CNBD1: variants seen among roughly 807,000 people sequenced by gnomAD.
CNBD1 encodes cyclic nucleotide-binding domain-containing protein 1.
CNBD1 carries 71 observed loss-of-function variants against 54.4 expected under a neutral mutation model. That is an observed-to-expected ratio of 1.30 (90% CI 1.08 to 1.59). The LOEUF (loss-of-function observed/expected upper bound fraction) is 1.59. Ranked by LOEUF, CNBD1 falls within the 40% of genes most tolerant of loss-of-function variation. The pLI, the probability that CNBD1 is intolerant of heterozygous loss-of-function variation, is 0.00. For synonymous variants in CNBD1, 182 were observed against 170.7 expected (o/e 1.07, Z -0.51); for missense variants, 659 against 518.0 (o/e 1.27, Z -2.64).
chr8:87,394,207 C>T (rs1811368769), intron 2 of CNBD1, among the ~76,000 whole-genome samples: 1 of 151,782 alleles, frequency 6.6e-6, no homozygotes, highest in Non-Finnish European at 1.5e-5. Flanking sequence ...AGCATTACAA[C>T]CTGCTTAGTG....
At chr8:86,951,903 G>T (rs1047382468) in intron 4 of CNBD1, among the ~76,000 whole-genome samples, 2 of 152,026 alleles carry the variant, frequency 1.3e-5, no homozygotes, top group African/African-American at 4.8e-5. Flanking sequence ...TCCTAAAAAA[G>T]ATAGCTACTA....
chr8:87,412,815 A>C (rs1162346771), intron 2 of CNBD1, among the ~76,000 whole-genome samples: 1 of 151,940 alleles, frequency 6.6e-6, no homozygotes, highest in African/African-American at 2.4e-5. Context: ...AGAGGGAGGT[A>C]GGTTAGGCAG....
At chr8:87,412,135 T>A (rs80327783) in intron 2 of CNBD1, among the ~76,000 whole-genome samples, 4 of 152,174 alleles carry the variant, frequency 2.6e-5, no homozygotes, top group African/African-American at 9.6e-5. Flanking sequence ...TTTTTCATTT[T>A]TCACTTCAAA....
intron 4 of CNBD1, among the ~76,000 whole-genome samples, chr8:86,940,607 C>T (rs775834977): frequency 3.8e-4 from 57 of 151,998 alleles, no homozygotes; most frequent in Non-Finnish European, 6.9e-4. Flanking sequence ...TAAAATTAAA[C>T]GAGTACCATG....
intron 10 of CNBD1, among the ~76,000 whole-genome samples, chr8:87,355,342 A>C (rs913021896): frequency 1.3e-5 from 2 of 152,112 alleles, no homozygotes; most frequent in South Asian, 4.1e-4. Context: ...TTTCATCTCT[A>C]AGGTCATTGC....
chr8:87,270,392 G>A (rs1808337655), intron 6 of CNBD1, among the ~76,000 whole-genome samples: 1 of 151,946 alleles, frequency 6.6e-6, no homozygotes, highest in East Asian at 1.9e-4. Flanking sequence ...TTAGAGAAAT[G>A]CAGATCAAAA....
Position 87,389,046 on chromosome 8 carries a change from A to T in CNBD1, c.213+35260A>T, listed in dbSNP as rs149063736. 3.6e-3 allele frequency among the ~76,000 whole-genome samples: 551 copies of T among 152,314 alleles called. 2 individuals carry two copies. The highest frequency in any genetic ancestry group is 0.012 in the African/African-American group (515 of 41,584). On this transcript the variant is annotated intron_variant, in intron 2 of 7. Transcript: ENST00000521593. ...GCAGAAAAGGCCTTTGACAGAACTC[A>T]AGAGCCCTTGATGCTAAAATCTCTC... is the stretch of plus-strand genomic sequence containing the variant.
chr8:87,097,003 C>G (rs1400791636), intron 4 of CNBD1, among the ~76,000 whole-genome samples: 2 of 152,140 alleles, frequency 1.3e-5, no homozygotes, highest in Non-Finnish European at 2.9e-5. Context: ...GCTTCCTTAA[C>G]TACATAGCTT....
rs576628363 is a variant in CNBD1 at position 87,388,134 on chromosome 8, G to A, written c.213+34348G>A. 3.4e-3 allele frequency among the ~76,000 whole-genome samples: 510 copies of A among 152,128 alleles called. 7 individuals are homozygous for A. The highest frequency in any genetic ancestry group is 0.012 in the African/African-American group (478 of 41,442). On this transcript the variant is annotated intron_variant, in intron 2 of 7. Transcript: ENST00000521593. ...TAGAGGGAAATTTATAGCACTAAAT[G>A]CCCACAAGAGAAAGAAGGAAAGATC...
intron 4 of CNBD1, among the ~76,000 whole-genome samples, chr8:87,148,373 T>C (rs1373514663): frequency 1.3e-5 from 2 of 152,212 alleles, no homozygotes; most frequent in Non-Finnish European, 2.9e-5. Flanking sequence ...TAAACATGTG[T>C]ACAAAATTAT....
chr8:87,341,551 T>A (rs1014269409), intron 8 of CNBD1, among the ~76,000 whole-genome samples: 3 of 152,224 alleles, frequency 2.0e-5, no homozygotes, highest in African/African-American at 7.2e-5. Flanking sequence ...CATGTTAAAA[T>A]GTTATTGCTG....
At chr8:87,325,099 G>A (rs1809639205) in intron 8 of CNBD1, among the ~76,000 whole-genome samples, 1 of 97,202 alleles carries the variant, frequency 1.0e-5, no homozygotes, top group Non-Finnish European at 2.0e-5. Context: ...CAGTTTCCAT[G>A]TAGTTGGGCG....
chr8:87,345,856 TAAAA>T (rs886708797), intron 8 of CNBD1, among the ~76,000 whole-genome samples: 1 of 152,004 alleles, frequency 6.6e-6, no homozygotes, highest in Non-Finnish European at 1.5e-5. Flanking sequence ...CTACTGAAAA[TAAAA>T]AGAAGTTAAG....
chr8:86,950,169 C>A (rs992977694), intron 4 of CNBD1, among the ~76,000 whole-genome samples: 3 of 142,998 alleles, frequency 2.1e-5, no homozygotes, highest in Admixed American at 1.5e-4. Flanking sequence ...TTAAGCAATT[C>A]TCTGCCTCAG....
chr8:86,972,231 T>G (rs922589664), intron 4 of CNBD1, among the ~76,000 whole-genome samples: 2 of 152,208 alleles, frequency 1.3e-5, no homozygotes, highest in East Asian at 1.9e-4. Flanking sequence ...ATTACAGGCT[T>G]GAGCCACCGT....
At chr8:87,302,502 G>A (rs535572204) in intron 8 of CNBD1, among the ~76,000 whole-genome samples, 234 of 151,964 alleles carry the variant, frequency 1.5e-3, no homozygotes, top group African/African-American at 5.5e-3. Flanking sequence ...AATAATAAGA[G>A]CTATTTATGA....
intron 4 of CNBD1, among the ~76,000 whole-genome samples, chr8:86,981,515 G>C (rs768796704): frequency 9.9e-5 from 15 of 152,070 alleles, no homozygotes; most frequent in Non-Finnish European, 1.8e-4. Context: ...GATGGATTTT[G>C]GCAATGTGTA....
intron 10 of CNBD1, among the ~76,000 whole-genome samples, chr8:87,371,736 C>A (rs1299004789): frequency 6.6e-6 from 1 of 151,892 alleles, no homozygotes; most frequent in African/African-American, 2.4e-5. Context: ...AAGACAAAAA[C>A]CACATGATTA....
At chr8:87,219,205 C>A (rs1178760145) in intron 5 of CNBD1, among the ~76,000 whole-genome samples, 1 of 151,980 alleles carries the variant, frequency 6.6e-6, no homozygotes, top group Non-Finnish European at 1.5e-5. Flanking sequence ...AAAGCATTTT[C>A]ATTACTTCGA....
Sources: allele counts gnomAD v4.1 joint callset (sites outside exome capture counted in the v4.1 genomes callset), GRCh38; gene constraint gnomAD v4.1.1; transcripts MANE v1.5; gene names NCBI Gene and HGNC (gene_info 2026-07-23, HGNC 2026-07-21).